Variants in EXT1 observed in about 807,000 individuals in gnomAD.
The protein encoded by EXT1 is exostosin-1.
A neutral mutation model predicts 82.5 loss-of-function variants in EXT1; 20 were observed. That is an observed-to-expected ratio of 0.24 (90% CI 0.17 to 0.35). The LOEUF (loss-of-function observed/expected upper bound fraction) is 0.35, where lower values mean the gene tolerates loss of function less well. Ranked by LOEUF, EXT1 falls within the 10% of genes least tolerant of loss-of-function variation. The probability of loss-of-function intolerance (pLI) is 1.00; values close to 1 mark genes in which losing one functional copy is unlikely to be tolerated. For synonymous variants in EXT1, 348 were observed against 350.8 expected, an observed-to-expected ratio of 0.99 and a Z score of 0.09; for missense variants, 757 against 936.5, an observed-to-expected ratio of 0.81 and a Z score of 2.50.
intron 1 of EXT1, among the ~76,000 whole-genome samples, chr8:118,016,623 C>A (rs1263870903): frequency 5.3e-5 from 8 of 152,162 alleles, no homozygotes; most frequent in Non-Finnish European, 1.5e-5. Flanking sequence ...AAGACTTTGT[C>A]CCGGCTGCAG....
intron 1 of EXT1, among the ~76,000 whole-genome samples, chr8:117,895,862 T>C (rs1813326237): frequency 6.6e-6 from 1 of 152,146 alleles, no homozygotes; most frequent in South Asian, 2.1e-4. Context: ...TCCGTTCGCA[T>C]CCAAAGTAAC....
chr8:117,838,343 A>G (rs1012046658), intron 1 of EXT1, among the ~76,000 whole-genome samples: 3 of 152,162 alleles, frequency 2.0e-5, no homozygotes, highest in Admixed American at 6.6e-5. Flanking sequence ...GTATATTGGT[A>G]TATACATTTA....
chr8:117,821,332 CT>C (rs374561533), intron 5 of EXT1, among the ~76,000 whole-genome samples: 12 of 152,234 alleles, frequency 7.9e-5, no homozygotes, highest in African/African-American at 2.6e-4. Context: ...GAGGGATTGC[CT>C]TTTAAACAGG....
At chr8:117,960,162 G>T (rs1814671716) in intron 1 of EXT1, among the ~76,000 whole-genome samples, 1 of 152,188 alleles carries the variant, frequency 6.6e-6, no homozygotes, top group Non-Finnish European at 1.5e-5. Context: ...AGTGAGCCAA[G>T]ATTGTGCCAC....
At chr8:117,910,029 A>G (rs1178635428) in intron 1 of EXT1, among the ~76,000 whole-genome samples, 1 of 152,104 alleles carries the variant, frequency 6.6e-6, no homozygotes, top group Non-Finnish European at 1.5e-5. Context: ...CGGCCTCCCA[A>G]AGCGTTGGGA....
At chr8:118,005,335 C>G (rs1291943454) in intron 1 of EXT1, among the ~76,000 whole-genome samples, 43 of 152,176 alleles carry the variant, frequency 2.8e-4, no homozygotes, top group Admixed American at 2.8e-3. Context: ...AGGTTCCCAC[C>G]AGTTTCTTAG....
At chr8:118,057,305 C>T (rs1034353295) in intron 1 of EXT1, among the ~76,000 whole-genome samples, 5 of 152,058 alleles carry the variant, frequency 3.3e-5, no homozygotes, top group South Asian at 2.1e-4. Context: ...TTTGGGAGGC[C>T]GAGGCAGGTG....
intron 1 of EXT1, among the ~76,000 whole-genome samples, chr8:117,917,498 C>T (rs1019681680): frequency 6.6e-6 from 1 of 152,164 alleles, no homozygotes; most frequent in African/African-American, 2.4e-5. Flanking sequence ...CATCCTAACA[C>T]ATCCTAACAC....
At chr8:117,829,664 C>T (rs1166207774) in intron 4 of EXT1, among the ~76,000 whole-genome samples, 1 of 147,824 alleles carries the variant, frequency 6.8e-6, no homozygotes, top group African/African-American at 2.5e-5. Flanking sequence ...ACCTCCACCT[C>T]CCAGGTTCAA....
rs114548825 is a variant in EXT1 at position 118,045,432 on chromosome 8, G to A, written c.962+64653C>T. ...GTGGTGTGAGCCTTTCTTCATTCAC[G>A]CTCTCAAACCAGTAAAAGTTAGATA... is the stretch of plus-strand genomic sequence containing the variant. On this transcript the variant is annotated intron_variant, in intron 1 of 10. Coordinates refer to ENST00000378204, the MANE Select transcript of EXT1 (RefSeq NM_000127.3). 4.7e-3 allele frequency among the ~76,000 whole-genome samples: 709 copies of A among 152,172 alleles called. 8 individuals carry two copies. The highest frequency in any genetic ancestry group is 0.015 in the African/African-American group (631 of 41,536).
At chr8:117,880,129 A>C (rs1813035683) in intron 1 of EXT1, among the ~76,000 whole-genome samples, 1 of 152,196 alleles carries the variant, frequency 6.6e-6, no homozygotes, top group African/African-American at 2.4e-5. Flanking sequence ...CCATTCTACA[A>C]GCAAGTTTGG....
At chr8:117,838,754 T>C (rs958030830) in intron 1 of EXT1, among the ~76,000 whole-genome samples, 3 of 152,060 alleles carry the variant, frequency 2.0e-5, no homozygotes, top group African/African-American at 4.8e-5. Context: ...CTCTGCCTAA[T>C]AGATGGAGCA....
intron 1 of EXT1, among the ~76,000 whole-genome samples, chr8:117,963,038 C>A (rs2129721788): frequency 6.6e-6 from 1 of 152,282 alleles, no homozygotes; most frequent in African/African-American, 2.4e-5. Context: ...CTTTCCTTAT[C>A]TATGAGGAAC....
intron 1 of EXT1, among the ~76,000 whole-genome samples, chr8:117,946,856 T>C (rs184554443): frequency 4.6e-5 from 7 of 152,336 alleles, no homozygotes; most frequent in South Asian, 2.1e-4. Context: ...TGAAACAGAA[T>C]TGACTTCTGG....
chr8:118,061,994 A>C (rs954922315), intron 1 of EXT1, among the ~76,000 whole-genome samples: 3 of 152,204 alleles, frequency 2.0e-5, no homozygotes, highest in Non-Finnish European at 4.4e-5. Flanking sequence ...TATCTTGATA[A>C]GGAAAGAAAT....
chr8:117,999,353 T>C (rs1432223471), intron 1 of EXT1, among the ~76,000 whole-genome samples: 1 of 152,334 alleles, frequency 6.6e-6, no homozygotes, highest in East Asian at 1.9e-4. Context: ...AGACTAGAAT[T>C]GCAGAAAGGG....
At chr8:117,908,868 A>T (rs1813589937) in intron 1 of EXT1, among the ~76,000 whole-genome samples, 1 of 151,968 alleles carries the variant, frequency 6.6e-6, no homozygotes, top group East Asian at 1.9e-4. Context: ...TCACGCCTAT[A>T]ATCCGACCGT....
intron 1 of EXT1, among the ~76,000 whole-genome samples, chr8:117,882,767 A>C (rs539831773): frequency 2.6e-5 from 4 of 151,984 alleles, no homozygotes; most frequent in Non-Finnish European, 1.5e-5. Flanking sequence ...ACTTGAGGAC[A>C]AGAGTCCGAT....
At chr8:118,040,148 T>C (rs749512662) in intron 1 of EXT1, among the ~76,000 whole-genome samples, 4 of 152,152 alleles carry the variant, frequency 2.6e-5, no homozygotes, top group Non-Finnish European at 4.4e-5. Flanking sequence ...TTTTTTAACA[T>C]TATTTTTAAC....
Sources: gnomAD v4.1 joint callset for allele counts (sites outside exome capture counted in the v4.1 genomes callset) on GRCh38, gnomAD v4.1.1 for gene constraint, MANE v1.5 for transcripts, NCBI Gene and HGNC (gene_info 2026-07-23, HGNC 2026-07-21) for gene names.